LRRTM4: variants seen among roughly 807,000 people sequenced by gnomAD.
LRRTM4 encodes the protein leucine-rich repeat transmembrane neuronal protein 4.
LRRTM4 carries 25 observed loss-of-function variants against 47.6 expected under a neutral mutation model. The ratio of observed to expected loss-of-function variants is 0.53; its 90% CI spans 0.38 to 0.73. LRRTM4 has a LOEUF of 0.73. Ranked by LOEUF, LRRTM4 falls within the 30% of genes least tolerant of loss-of-function variation. LRRTM4 has a pLI of 0.00. For synonymous variants in LRRTM4, 311 were observed against 269.5 expected, an observed-to-expected ratio of 1.15 and a Z score of -1.51; for missense variants, 638 against 713.4, an observed-to-expected ratio of 0.89 and a Z score of 1.20.
At chr2:77,388,982 G>A (rs1673395839) in intron 3 of LRRTM4, among the ~76,000 whole-genome samples, 1 of 151,980 alleles carries the variant, frequency 6.6e-6, no homozygotes, top group Non-Finnish European at 1.5e-5. Flanking sequence ...TTATTGAGAA[G>A]TTCTAAGGAT....
At chr2:77,344,358 G>A (rs11886659) in intron 3 of LRRTM4, among the ~76,000 whole-genome samples, 4,780 of 151,696 alleles carry the variant, frequency 0.032, 118 homozygotes, top group African/African-American at 0.07. Context: ...GACACAGCAA[G>A]TTCAAGCAGA....
intron 3 of LRRTM4, among the ~76,000 whole-genome samples, chr2:77,061,899 A>T (rs994077958): frequency 3.0e-4 from 46 of 151,974 alleles, no homozygotes; most frequent in African/African-American, 1.1e-3. Context: ...AGTCATCTAC[A>T]TAGTATTTAA....
chr2:77,112,057 G>A (rs1404639448), intron 3 of LRRTM4, among the ~76,000 whole-genome samples: 1 of 152,134 alleles, frequency 6.6e-6, no homozygotes, highest in African/African-American at 2.4e-5. Flanking sequence ...TCTTACATGT[G>A]TAATTTAGAA....
intron 3 of LRRTM4, among the ~76,000 whole-genome samples, chr2:77,027,147 T>C (rs1558536460): frequency 6.6e-6 from 1 of 152,100 alleles, no homozygotes; most frequent in Non-Finnish European, 1.5e-5. Flanking sequence ...TTATGGACTA[T>C]TTCCACCACT....
chr2:77,237,394 T>C (rs1023381172), intron 3 of LRRTM4, among the ~76,000 whole-genome samples: 2 of 151,876 alleles, frequency 1.3e-5, no homozygotes, highest in Middle Eastern at 6.8e-3. Context: ...TTGGTTTTAA[T>C]GTCACATTGG....
intron 3 of LRRTM4, among the ~76,000 whole-genome samples, chr2:76,870,048 A>T (rs1351247926): frequency 6.6e-6 from 1 of 152,182 alleles, no homozygotes; most frequent in Non-Finnish European, 1.5e-5. Flanking sequence ...TTGCCAAAAC[A>T]TATGGATTAA....
intron 3 of LRRTM4, among the ~76,000 whole-genome samples, chr2:76,937,676 C>A (rs1025546667): frequency 2.6e-5 from 4 of 152,306 alleles, no homozygotes; most frequent in East Asian, 1.9e-4. Flanking sequence ...GCAAGCGATT[C>A]CCCTGCCTCA....
At chr2:77,125,840 TAAGG>T (rs1484388849) in intron 3 of LRRTM4, among the ~76,000 whole-genome samples, 1 of 151,342 alleles carries the variant, frequency 6.6e-6, no homozygotes, top group African/African-American at 2.4e-5. Context: ...TAGTAATAAG[TAAGG>T]GATTGCATAT....
intron 3 of LRRTM4, among the ~76,000 whole-genome samples, chr2:77,038,166 G>A (rs55788766): frequency 2.0e-5 from 3 of 151,562 alleles, no homozygotes; most frequent in Middle Eastern, 6.8e-3. Flanking sequence ...TAGAAAAATT[G>A]CAAGGACTAA....
chr2:76,902,487 G>A (rs1389951022), intron 3 of LRRTM4, among the ~76,000 whole-genome samples: 1 of 152,158 alleles, frequency 6.6e-6, no homozygotes, highest in Non-Finnish European at 1.5e-5. Flanking sequence ...CTGAGGAAAA[G>A]AACGTGAGCC....
rs71420970 is a variant in LRRTM4, at chr2:76,785,170, G to T, written c.1552-36254C>A. Among the ~76,000 whole-genome samples the T allele has an allele frequency of 2.6e-5, 4 of 152,176 alleles. No individual in the cohort carries two copies. In the East Asian group the frequency reaches 7.7e-4, roughly 29 times the overall value. Reference sequence around the variant, plus strand: ...AATTTAAAATGCTGCTATTGTGTTTGTATTGGCATTTGCAATTGAATAGTC... The same window carrying T: ...AATTTAAAATGCTGCTATTGTGTTTTTATTGGCATTTGCAATTGAATAGTC... On this transcript the variant is annotated intron_variant, in intron 3 of 3. Coordinates refer to ENST00000409884, the MANE Select transcript of LRRTM4 (RefSeq NM_001134745.3).
At chr2:77,100,482 G>A (rs919857547) in intron 3 of LRRTM4, among the ~76,000 whole-genome samples, 3 of 152,068 alleles carry the variant, frequency 2.0e-5, no homozygotes, top group Non-Finnish European at 4.4e-5. Context: ...TAGAAGGTTG[G>A]GTTAAACTTC....
At chr2:76,932,455 G>A (rs767877575) in intron 3 of LRRTM4, among the ~76,000 whole-genome samples, 157 of 151,974 alleles carry the variant, frequency 1.0e-3, no homozygotes, top group Non-Finnish European at 1.7e-3. Context: ...TTCATCACAG[G>A]AGTGTTTAGC....
intron 3 of LRRTM4, among the ~76,000 whole-genome samples, chr2:76,798,628 C>CA (rs1339533705): frequency 2.7e-5 from 4 of 150,742 alleles, no homozygotes; most frequent in African/African-American, 4.9e-5. Context: ...AATAGAGACA[C>CA]AAAAAACCCT....
At chr2:77,096,199 G>A (rs911610074) in intron 3 of LRRTM4, among the ~76,000 whole-genome samples, 9 of 151,510 alleles carry the variant, frequency 5.9e-5, no homozygotes, top group African/African-American at 2.2e-4. Flanking sequence ...ACTAAAAATT[G>A]AGAACTGCAA....
At chr2:77,425,539 G>A (rs928710283) in intron 3 of LRRTM4, among the ~76,000 whole-genome samples, 1 of 152,016 alleles carries the variant, frequency 6.6e-6, no homozygotes. Context: ...CTACTGATTG[G>A]AATTCCTCAA....
chr2:77,248,588 C>T (rs938450715), intron 3 of LRRTM4, among the ~76,000 whole-genome samples: 7 of 151,920 alleles, frequency 4.6e-5, no homozygotes, highest in Non-Finnish European at 8.8e-5. Flanking sequence ...GAATAGCCAA[C>T]ACAATATTGA....
intron 3 of LRRTM4, among the ~76,000 whole-genome samples, chr2:76,804,816 A>G (rs954135250): frequency 1.3e-5 from 2 of 150,888 alleles, no homozygotes; most frequent in African/African-American, 4.9e-5. Context: ...AAATTATTAA[A>G]CAGACAAGCA....
chr2:77,057,697 G>A (rs556004566), intron 3 of LRRTM4, among the ~76,000 whole-genome samples: 1 of 152,148 alleles, frequency 6.6e-6, no homozygotes, highest in African/African-American at 2.4e-5. Context: ...ATTAAATCAG[G>A]ACCTCTTAAG....
Sources: allele counts gnomAD v4.1 joint callset (sites outside exome capture counted in the v4.1 genomes callset), GRCh38; gene constraint gnomAD v4.1.1; transcripts MANE v1.5; gene names NCBI Gene and HGNC (gene_info 2026-07-23, HGNC 2026-07-21).